The following HACE1 variants were observed in gnomAD, a reference collection of about 807,000 sequenced individuals.
The protein encoded by HACE1 is E3 ubiquitin-protein ligase HACE1.
Under a neutral mutation model 118.4 loss-of-function variants are expected in HACE1, and 73 were observed. The observed-to-expected ratio is 0.62, with a 90% CI of 0.51 to 0.75. HACE1 has a LOEUF of 0.75. Among genes scored for constraint, HACE1 ranks in the 30% least tolerant of loss-of-function variants. The pLI is 0.00. For missense variants in HACE1, 749 were observed against 1,102.2 expected (o/e 0.68, Z 4.54); for synonymous variants, 368 against 374.8 (o/e 0.98, Z 0.21).
chr6:104,768,151 T>C (rs1780209153), intron 19 of HACE1, among the ~76,000 whole-genome samples: 1 of 152,210 alleles, frequency 6.6e-6, no homozygotes, highest in Non-Finnish European at 1.5e-5. Context: ...TTGGTTTCAC[T>C]TTATAATCAC....
chr6:104,850,398 C>A (rs1776086102), intron 3 of HACE1, among the ~76,000 whole-genome samples: 1 of 152,142 alleles, frequency 6.6e-6, no homozygotes, highest in Admixed American at 6.5e-5. Context: ...ATGATACTTT[C>A]AACCTTCTGG....
At chr6:104,764,131 G>C (rs553275508) in intron 19 of HACE1, among the ~76,000 whole-genome samples, 41 of 152,280 alleles carry the variant, frequency 2.7e-4, no homozygotes, top group South Asian at 1.4e-3. Flanking sequence ...CTGGAGTGCA[G>C]TGGCACTGTG....
chr6:104,797,497 A>G (rs968239316), intron 7 of HACE1, among the ~76,000 whole-genome samples: 1 of 103,574 alleles, frequency 9.7e-6, no homozygotes, highest in Non-Finnish European at 2.1e-5. Flanking sequence ...TGTAAAAAAA[A>G]AAAAAATTAA....
intron 19 of HACE1, among the ~76,000 whole-genome samples, chr6:104,754,823 T>C (rs1778425886): frequency 6.6e-6 from 1 of 152,116 alleles, no homozygotes; most frequent in South Asian, 2.1e-4. Context: ...TACCAGCCAC[T>C]ACAAAAATAC....
intron 18 of HACE1, 126 bp from the exon 19 acceptor site, chr6:104,771,515 C>T (rs1205278096): frequency 3.1e-6 from 2 of 643,102 alleles, no homozygotes; most frequent in Non-Finnish European, 5.5e-6. Context: ...CTACACACAG[C>T]ATATTTTAAA....
chr6:104,738,076 A>G (rs1221646620), intron 22 of HACE1, among the ~76,000 whole-genome samples: 69 of 152,020 alleles, frequency 4.5e-4, no homozygotes, highest in African/African-American at 1.7e-3. Flanking sequence ...CTCACACGGC[A>G]GGGTATTCCA....
At chr6:104,839,829 A>T (rs1481770559) in intron 5 of HACE1, among the ~76,000 whole-genome samples, 1 of 152,136 alleles carries the variant, frequency 6.6e-6, no homozygotes, top group East Asian at 1.9e-4. Context: ...AACATCGTGA[A>T]ACCCCATCTC....
chr6:104,811,261 T>TATATATATAC (rs1771585156), intron 7 of HACE1, 50 bp downstream of exon 7: 1 of 346,236 alleles, frequency 2.9e-6, no homozygotes, highest in African/African-American at 2.3e-5. Context: ...TATATATATA[T>TATATATATAC]ATATATATAT....
chr6:104,820,441 A>G (rs1772594910), intron 6 of HACE1, among the ~76,000 whole-genome samples: 2 of 152,202 alleles, frequency 1.3e-5, no homozygotes, highest in African/African-American at 4.8e-5. Context: ...CAAACTATGC[A>G]TCTGACAAAA....
intron 5 of HACE1, among the ~76,000 whole-genome samples, chr6:104,835,402 C>T (rs763170120): frequency 6.6e-6 from 1 of 151,928 alleles, no homozygotes; most frequent in Non-Finnish European, 1.5e-5. Flanking sequence ...CTGATTGCAT[C>T]CCTGAAATGA....
At chr6:104,748,680 T>C (rs578252234) in intron 20 of HACE1, among the ~76,000 whole-genome samples, 1 of 152,214 alleles carries the variant, frequency 6.6e-6, no homozygotes, top group South Asian at 2.1e-4. Flanking sequence ...TAAATGTTCA[T>C]CAAGAGTAGA....
At chr6:104,858,015 T>C (rs911242443) in intron 1 of HACE1, among the ~76,000 whole-genome samples, 6 of 150,526 alleles carry the variant, frequency 4.0e-5, no homozygotes, top group African/African-American at 7.3e-5. Context: ...ATATGCAACA[T>C]GATTTTAACT....
In HACE1 at chr6:104,811,247, C is replaced by CATATATATATATATAT. The variant is rs3995559; in HGVS notation, c.617+48_617+63dup. ...AAATATATATATTTCTTTATTTATACATATATATATATATATATATATATA... is the reference window on the plus strand; with the variant it reads ...AAATATATATATTTCTTTATTTATACATATATATATATATATATATATATATATATATATATATATA... On this transcript the variant is annotated intron_variant, in intron 7 of 23. Coordinates refer to ENST00000262903, the MANE Select transcript of HACE1 (RefSeq NM_020771.4). The CATATATATATATATAT allele has an allele frequency of 2.3e-3, 475 of 208,348 alleles. 2 individuals carry two copies. The highest frequency in any genetic ancestry group is 3.3e-3 in the Non-Finnish European group (372 of 113,252). 12.9% of individuals were successfully genotyped at this position (208,348 alleles called of 1,614,324 possible). A position where few individuals can be genotyped will look rare whatever the true frequency, so the allele number is the denominator to read the frequency against.
chr6:104,821,134 G>A (rs1042100447), intron 6 of HACE1, among the ~76,000 whole-genome samples: 2 of 152,128 alleles, frequency 1.3e-5, no homozygotes, highest in Non-Finnish European at 2.9e-5. Context: ...TGGGAGCTCA[G>A]TGATGAGAAC....
rs969033255 is a variant in HACE1 at position 104,800,496 on chromosome 6, C to T, written c.618-3471G>A. On this transcript the variant is annotated intron_variant, in intron 7 of 23. Coordinates refer to ENST00000262903, the MANE Select transcript of HACE1 (RefSeq NM_020771.4). ...AGACACCTCATATAGGCGGGTGCCC[C>T]TCTGGGATGAAGCTTCCAGAGGAAG... Among the ~76,000 whole-genome samples, 30 of 152,236 alleles carry T rather than the reference C, an allele frequency of 2.0e-4. No homozygotes were observed. In the East Asian group the frequency reaches 4.1e-3, roughly 21 times the overall value.
chr6:104,859,244 C>A lies in HACE1; in HGVS notation c.76+323G>T, dbSNP rs963607199. ...CCCGCAATTATGATGTTTTCTGACTCCGGGTCTCGGGCCTCCGGCTGGTAT... is the reference window on the plus strand; with the variant it reads ...CCCGCAATTATGATGTTTTCTGACTACGGGTCTCGGGCCTCCGGCTGGTAT... On this transcript the variant is annotated intron_variant, in intron 1 of 23. Coordinates refer to ENST00000262903, the MANE Select transcript of HACE1 (RefSeq NM_020771.4). 5 of 329,714 alleles carry A rather than the reference C, an allele frequency of 1.5e-5. 1 individual carries two copies. Among genetic ancestry groups the A allele is most frequent in the Non-Finnish European group, 1.7e-5 (3 of 180,816 alleles). 20.4% of individuals were successfully genotyped at this position (329,714 alleles called of 1,614,324 possible). A position where few individuals can be genotyped will look rare whatever the true frequency, so the allele number is the denominator to read the frequency against.
chr6:104,842,965 A>C (rs1283983374), intron 5 of HACE1, among the ~76,000 whole-genome samples: 1 of 152,166 alleles, frequency 6.6e-6, no homozygotes, highest in Non-Finnish European at 1.5e-5. Context: ...CATAAAAATT[A>C]TCTGGACATG....
Position 104,750,338 on chromosome 6 carries a change from T to C in HACE1, c.2343+3A>G. Reference sequence around the variant, plus strand: ...CAACATAAGAACTGATGTTTTTCCTTACCAATTCATATTCATCAAAAAGCT... The same window carrying C: ...CAACATAAGAACTGATGTTTTTCCTCACCAATTCATATTCATCAAAAAGCT... On this transcript the variant is annotated splice_donor_region_variant and intron_variant, in intron 20 of 23. Coordinates refer to ENST00000262903, the MANE Select transcript of HACE1 (RefSeq NM_020771.4). 1 of 1,611,734 alleles carries C rather than the reference T, an allele frequency of 6.2e-7. No homozygotes were observed. The highest frequency in any genetic ancestry group is 1.1e-5 in the South Asian group (1 of 90,996).
In HACE1 at chr6:104,784,422, A is replaced by C; in HGVS notation, c.1473T>G (p.Val491=). ...CKHDEVLKCF[V]NRNPKIIFDH... ...CACAAACCCAGAAAGCTTACCTATT[A>C]ACAAAGCATTTTAAAACTTCATCAT... The change falls in exon 13 of 24, where the codon GTT becomes GTG. Residue 491 remains valine (V), a synonymous_variant. Coordinates refer to ENST00000262903, the MANE Select transcript of HACE1 (RefSeq NM_020771.4). 2 of 1,606,968 alleles carry C rather than the reference A, an allele frequency of 1.2e-6. No individual in the cohort carries two copies. The highest frequency in any genetic ancestry group is 1.7e-6 in the Non-Finnish European group (2 of 1,173,634).
Sources: allele counts gnomAD v4.1 joint callset (sites outside exome capture counted in the v4.1 genomes callset), GRCh38; gene constraint gnomAD v4.1.1; transcripts MANE v1.5; gene names NCBI Gene and HGNC (gene_info 2026-07-23, HGNC 2026-07-21).